Variants in PDCD10 observed in about 807,000 individuals in gnomAD.
PDCD10 encodes programmed cell death 10.
A neutral mutation model predicts 29.2 loss-of-function variants in PDCD10; 4 were observed. The observed-to-expected ratio is 0.14, with a 90% CI of 0.07 to 0.31. PDCD10 has a LOEUF of 0.31. Among genes scored for constraint, PDCD10 ranks in the 10% least tolerant of loss-of-function variants. The probability of loss-of-function intolerance (pLI) is 1.00; values close to 1 mark genes in which losing one functional copy is unlikely to be tolerated. For synonymous variants in PDCD10, 70 were observed against 82.2 expected, an observed-to-expected ratio of 0.85 and a Z score of 0.80; for missense variants, 183 against 257.9, an observed-to-expected ratio of 0.71 and a Z score of 1.99.
At chr3:167,721,635 T>C (rs1157330827) in intron 2 of PDCD10, among the ~76,000 whole-genome samples, 1 of 152,224 alleles carries the variant, frequency 6.6e-6, no homozygotes, top group African/African-American at 2.4e-5. Flanking sequence ...TATTCCACCA[T>C]ATCGCTACCA....
chr3:167,702,313 C>T (rs950618003), intron 4 of PDCD10, among the ~76,000 whole-genome samples: 6 of 152,180 alleles, frequency 3.9e-5, no homozygotes, highest in African/African-American at 1.4e-4. Context: ...GACAAGGATG[C>T]AGACCTTATG....
chr3:167,724,517 T>C (rs1019439626), intron 2 of PDCD10, among the ~76,000 whole-genome samples: 2 of 152,208 alleles, frequency 1.3e-5, no homozygotes, highest in African/African-American at 4.8e-5. Flanking sequence ...CATTTATAAG[T>C]GTGTTTCTTC....
chr3:167,726,114 G>GTTTTTTTTTT (rs751342370), intron 2 of PDCD10, among the ~76,000 whole-genome samples: 4 of 85,766 alleles, frequency 4.7e-5, no homozygotes, highest in East Asian at 3.4e-4. Flanking sequence ...GTAGAGTACT[G>GTTTTTTTTTT]TTTTTTTTTT....
At chr3:167,702,271 T>C (rs1721520767) in intron 4 of PDCD10, among the ~76,000 whole-genome samples, 1 of 152,170 alleles carries the variant, frequency 6.6e-6, no homozygotes, top group African/African-American at 2.4e-5. Flanking sequence ...CCTTCTCTTC[T>C]TCCTCCTCCT....
At chr3:167,710,639 G>A (rs1475607834) in intron 3 of PDCD10, among the ~76,000 whole-genome samples, 2 of 152,222 alleles carry the variant, frequency 1.3e-5, no homozygotes, top group African/African-American at 4.8e-5. Flanking sequence ...TCATACTGAA[G>A]GGAAGGACAT....
At chr3:167,711,812 A>T (rs1722549086) in intron 3 of PDCD10, among the ~76,000 whole-genome samples, 1 of 152,186 alleles carries the variant, frequency 6.6e-6, no homozygotes. Context: ...CAATTTGCCT[A>T]GCAGAAGACT....
chr3:167,700,971 T>C (rs1288955417), intron 4 of PDCD10, among the ~76,000 whole-genome samples: 3 of 152,192 alleles, frequency 2.0e-5, no homozygotes, highest in Admixed American at 2.0e-4. Context: ...CACCAGAATT[T>C]AAGGCAGGAA....
Position 167,720,288 on chromosome 3 carries a change from A to G in PDCD10, c.-116-15T>C. On this transcript the variant is annotated splice_polypyrimidine_tract_variant and intron_variant, in intron 2 of 8. Transcript: ENST00000392750. ...AACACACTGATCTGGTGAAAGAGGA[A>G]GAAAGAACAGAGACTTACTATATTA... 1.5e-6 allele frequency: 1 copy of G among 677,952 alleles called. No individual in the cohort carries two copies. Among genetic ancestry groups the G allele is most frequent in the South Asian group, 1.6e-5 (1 of 61,550 alleles). The allele number at this position is 677,952 out of a possible 1,614,324, so 42.0% of individuals were successfully genotyped here.
rs557192327 is a variant in PDCD10 at position 167,701,969 on chromosome 3, G to A, written c.150+2873C>T. On this transcript the variant is annotated intron_variant, in intron 4 of 8. Transcript: ENST00000392750. The stretch of plus-strand genomic sequence containing the variant: ...AGAAATTTAAGAGCTAATGGACAAT[G>A]AGGAAGAAGACAAAGGAGTGCCAGA... Among the ~76,000 whole-genome samples, 5 of 152,272 alleles carry A rather than the reference G, an allele frequency of 3.3e-5. No individual in the cohort carries two copies. In the East Asian group the frequency reaches 9.7e-4, roughly 29 times the overall value.
At chr3:167,716,045 A>ATTT (rs1169633189) in intron 3 of PDCD10, among the ~76,000 whole-genome samples, 1,990 of 152,164 alleles carry the variant, frequency 0.013, 39 homozygotes, top group African/African-American at 0.046. Context: ...AGATGAACAG[A>ATTT]TAAAATGTGG....
At chr3:167,708,324 G>A (rs757596572) in intron 3 of PDCD10, among the ~76,000 whole-genome samples, 3 of 150,506 alleles carry the variant, frequency 2.0e-5, no homozygotes, top group Non-Finnish European at 2.9e-5. Context: ...AAAGACTCCT[G>A]CTTTCACACT....
At chr3:167,695,482 A>G in intron 6 of PDCD10, 114 bp downstream of exon 6, 2 of 951,468 alleles carry the variant, frequency 2.1e-6, no homozygotes, top group Non-Finnish European at 3.4e-6. Context: ...AAAATTTGAG[A>G]TTTTATTTCA....
intron 3 of PDCD10, among the ~76,000 whole-genome samples, chr3:167,711,949 T>A (rs934492009): frequency 1.3e-5 from 2 of 151,902 alleles, no homozygotes; most frequent in Admixed American, 6.6e-5. Flanking sequence ...ATAAAGACCT[T>A]CCCAAACAAA....
chr3:167,686,203 T>C (rs1170373766), intron 8 of PDCD10, among the ~76,000 whole-genome samples: 2 of 152,228 alleles, frequency 1.3e-5, no homozygotes. Flanking sequence ...ACGGCCAGAC[T>C]TTCCATCAGT....
intron 4 of PDCD10, among the ~76,000 whole-genome samples, chr3:167,699,943 G>A (rs535412988): frequency 6.6e-6 from 1 of 152,206 alleles, no homozygotes; most frequent in South Asian, 2.1e-4. Context: ...CACATGTTAT[G>A]AATGCATAAA....
rs1458735249 is a variant in PDCD10 at position 167,734,288 on chromosome 3, A to C, written c.-191T>G. 1 of 152,330 alleles carries C rather than the reference A, an allele frequency of 6.6e-6. No individual in the cohort carries two copies. The highest frequency in any genetic ancestry group is 1.5e-5 in the Non-Finnish European group (1 of 68,146). 9.4% of individuals were successfully genotyped at this position (152,330 alleles called of 1,614,324 possible). Reference sequence around the variant, plus strand: ...TATCTCCTTAGAGGGCCACATCATTAAACTGGAACTGAATCCGTAGACCCC... The same window carrying C: ...TATCTCCTTAGAGGGCCACATCATTCAACTGGAACTGAATCCGTAGACCCC... On this transcript the variant is annotated 5_prime_UTR_variant, in exon 2 of 9. An upstream open reading frame in the 5' UTR loses its in-frame stop. Transcript: ENST00000392750.
In PDCD10 at chr3:167,684,041, T is replaced by C. The variant is rs978633046; in HGVS notation, c.*267A>G. 2.9e-6 allele frequency: 1 copy of C among 349,288 alleles called. No individual in the cohort carries two copies. The highest frequency in any genetic ancestry group is 5.4e-6 in the Non-Finnish European group (1 of 184,174). The allele number at this position is 349,288 out of a possible 1,614,324, so 21.6% of individuals were successfully genotyped here. A position where few individuals can be genotyped will look rare whatever the true frequency, so the allele number is the denominator to read the frequency against. On this transcript the variant is annotated 3_prime_UTR_variant, in exon 9 of 9. Coordinates refer to ENST00000392750, the MANE Select transcript of PDCD10 (RefSeq NM_007217.4). ...TACAATTCTTTTAAGGAATGTTATA[T>C]AATGACACATTAAGGCGTAAATTCT... is the stretch of plus-strand genomic sequence containing the variant.
At chr3:167,728,973 AAAAC>A (rs1255470524) in intron 2 of PDCD10, among the ~76,000 whole-genome samples, 3 of 152,212 alleles carry the variant, frequency 2.0e-5, no homozygotes, top group Non-Finnish European at 4.4e-5. Context: ...TTGTTTGAAG[AAAAC>A]AAACAAAAAA....
chr3:167,701,249 A>G (rs1279648609), intron 4 of PDCD10, among the ~76,000 whole-genome samples: 4 of 152,216 alleles, frequency 2.6e-5, no homozygotes, highest in African/African-American at 7.2e-5. Flanking sequence ...ATATCTATAG[A>G]GATACCTATA....
Sources: gnomAD v4.1 joint callset for allele counts (sites outside exome capture counted in the v4.1 genomes callset) on GRCh38, gnomAD v4.1.1 for gene constraint, MANE v1.5 for transcripts, NCBI Gene and HGNC (gene_info 2026-07-23, HGNC 2026-07-21) for gene names.